Variants in BRAF observed in about 807,000 individuals in gnomAD.
The protein encoded by BRAF is serine/threonine-protein kinase B-raf.
Under a neutral mutation model 104.6 loss-of-function variants are expected in BRAF, and 16 were observed. The observed-to-expected ratio is 0.15, with a 90% CI of 0.10 to 0.23. The LOEUF is 0.23. BRAF is among the 10% of genes least tolerant of loss of function. The pLI, the probability that BRAF is intolerant of heterozygous loss-of-function variation, is 1.00. For missense variants in BRAF, 541 were observed against 937.3 expected, an observed-to-expected ratio of 0.58 and a Z score of 5.52; for synonymous variants, 310 against 341.6, an observed-to-expected ratio of 0.91 and a Z score of 1.02.
chr7:140,757,552 T>C (rs1798309230), intron 14 of BRAF, among the ~76,000 whole-genome samples: 1 of 152,192 alleles, frequency 6.6e-6, no homozygotes, highest in African/African-American at 2.4e-5. Flanking sequence ...CCTTCCAAAG[T>C]GCTGGGATTA....
In BRAF at chr7:140,924,483, C is replaced by G; in HGVS notation, c.138+83G>C. ...AAGGTGGCTGAGGGCATCAAGCCCC[C>G]ACCGCCGCCTCTTTCCAAAATAAAC... On this transcript the variant is annotated intron_variant, in intron 1 of 19. Transcript: ENST00000644969. This position sits in a 1 kb window ranked among gnomAD's most constrained non-coding sequence, Gnocchi z 4.2. 6.6e-7 allele frequency: 1 copy of G among 1,524,150 alleles called. No individual in the cohort carries two copies. Among genetic ancestry groups the G allele is most frequent in the South Asian group, 1.2e-5 (1 of 83,340 alleles). 94.4% of individuals were successfully genotyped at this position (1,524,150 alleles called of 1,614,324 possible).
At position 140,719,366 on chromosome 7, in the gene BRAF, A is replaced by C. The variant is rs761919219; in HGVS notation, c.*7128T>G. The C allele has an allele frequency of 7.4e-5, 74 of 999,566 alleles. No individual in the cohort carries two copies. The highest frequency in any genetic ancestry group is 8.5e-5 in the Non-Finnish European group (71 of 831,194). The allele number at this position is 999,566 out of a possible 1,614,324, so 61.9% of individuals were successfully genotyped here. Reference sequence around the variant, plus strand: ...TGCAGTCAATCTTTATTATAGCAGTATTCGCATATTCACATCAAGTACATA... The same window carrying C: ...TGCAGTCAATCTTTATTATAGCAGTCTTCGCATATTCACATCAAGTACATA... On this transcript the variant is annotated 3_prime_UTR_variant, in exon 20 of 20. Coordinates refer to ENST00000644969, the MANE Select transcript of BRAF (RefSeq NM_001374258.1).
Position 140,919,783 on chromosome 7 carries a change from T to C in BRAF, c.138+4783A>G, listed in dbSNP as rs146597913. ...CCTTAAAAACAGAAAAGCTCCCAAA[T>C]AGGCCCACCTATTTTGAATTCAGAA... On this transcript the variant is annotated intron_variant, in intron 1 of 19. Transcript: ENST00000644969. Among the ~76,000 whole-genome samples the C allele has an allele frequency of 3.1e-3, 468 of 152,210 alleles. 2 individuals are homozygous for C. Among genetic ancestry groups the C allele is most frequent in the African/African-American group, 9.6e-3 (400 of 41,542 alleles).
intron 12 of BRAF, among the ~76,000 whole-genome samples, chr7:140,779,606 T>G (rs950700862): frequency 2.0e-5 from 3 of 152,242 alleles, no homozygotes; most frequent in Non-Finnish European, 4.4e-5. Flanking sequence ...TTTTGGATTT[T>G]GGAGCATTTC....
chr7:140,717,200 C>T (rs968189679), downstream of BRAF, among the ~76,000 whole-genome samples: 19 of 152,156 alleles, frequency 1.2e-4, no homozygotes, highest in African/African-American at 3.9e-4. Context: ...TGTTACAGAT[C>T]TTGGGTCCTG....
At chr7:140,761,334 A>G (rs773973943) in intron 14 of BRAF, among the ~76,000 whole-genome samples, 2 of 152,158 alleles carry the variant, frequency 1.3e-5, no homozygotes, top group Non-Finnish European at 2.9e-5. Context: ...AGACAAGCAA[A>G]TGCTGAGAGA....
In BRAF at chr7:140,723,037, T is replaced by A; in HGVS notation, c.*3457A>T. ...ATGTTCTAGAGCTCCTGACTTTTCA[T>A]ATTTTAAAATAAATAACTATTCATT... On this transcript the variant is annotated 3_prime_UTR_variant, in exon 20 of 20. Coordinates refer to ENST00000644969, the MANE Select transcript of BRAF (RefSeq NM_001374258.1). 1 of 1,051,664 alleles carries A rather than the reference T, an allele frequency of 9.5e-7. No individual in the cohort carries two copies. Among genetic ancestry groups the A allele is most frequent in the Non-Finnish European group, 1.1e-6 (1 of 870,720 alleles). 65.1% of individuals were successfully genotyped at this position (1,051,664 alleles called of 1,614,324 possible). A position where few individuals can be genotyped will look rare whatever the true frequency, so the allele number is the denominator to read the frequency against.
At chr7:140,779,486 T>C (rs189893832) in intron 12 of BRAF, among the ~76,000 whole-genome samples, 2 of 152,318 alleles carry the variant, frequency 1.3e-5, no homozygotes, top group East Asian at 3.9e-4. Flanking sequence ...TCAAATTTTT[T>C]CTGATTTTGG....
At chr7:140,776,120 T>C (rs1157532588) in intron 14 of BRAF, among the ~76,000 whole-genome samples, 1 of 152,056 alleles carries the variant, frequency 6.6e-6, no homozygotes, top group African/African-American at 2.4e-5. Flanking sequence ...TCCTTATCTG[T>C]AAAAAGAAAA....
intron 1 of BRAF, among the ~76,000 whole-genome samples, chr7:140,915,418 T>C (rs1817510017): frequency 6.6e-6 from 1 of 151,724 alleles, no homozygotes; most frequent in Non-Finnish European, 1.5e-5. Flanking sequence ...CCAACTTAAA[T>C]ATAATTAAAG....
At chr7:140,894,289 A>C (rs73502740) in intron 1 of BRAF, among the ~76,000 whole-genome samples, 14,866 of 152,262 alleles carry the variant, frequency 0.098, 790 homozygotes, top group South Asian at 0.19. Context: ...GAAAAAACAG[A>C]ACTACTTGAT....
intron 8 of BRAF, among the ~76,000 whole-genome samples, chr7:140,793,952 C>G (rs1224056817): frequency 1.3e-5 from 2 of 152,198 alleles, no homozygotes; most frequent in African/African-American, 4.8e-5. Context: ...ATATCCACCT[C>G]TTATAGCACA....
At chr7:140,810,431 A>T (rs1804131286) in intron 3 of BRAF, among the ~76,000 whole-genome samples, 1 of 152,098 alleles carries the variant, frequency 6.6e-6, no homozygotes, top group East Asian at 1.9e-4. Flanking sequence ...GTAGCCGGGC[A>T]GAGCGGCGGG....
At chr7:140,731,028 T>C (rs1302609476) in intron 19 of BRAF, 1 of 152,188 alleles carries the variant, frequency 6.6e-6, no homozygotes, top group Non-Finnish European at 1.5e-5. Flanking sequence ...TTTTCTTTTC[T>C]TTTTTTGAGA....
intron 16 of BRAF, 66 bp from the exon 16 acceptor site, chr7:140,749,484 T>C (rs1797615541): frequency 6.5e-7 from 1 of 1,531,286 alleles, no homozygotes; most frequent in Non-Finnish European, 9.0e-7. Context: ...AACAACCTAC[T>C]ATAATTCCTA....
At position 140,742,855 on chromosome 7, in the gene BRAF, T is replaced by G. The variant is rs567512256; in HGVS notation, c.2113-2909A>C. On this transcript the variant is annotated intron_variant, in intron 17 of 19. Coordinates refer to ENST00000644969, the MANE Select transcript of BRAF (RefSeq NM_001374258.1). ...AAGGGCTAATATCCAGAATCTACAA[T>G]GAACTCAAACAAATTTACAAGAAAA... is the stretch of plus-strand genomic sequence containing the variant. 3.7e-3 allele frequency among the ~76,000 whole-genome samples: 563 copies of G among 151,416 alleles called. 2 individuals are homozygous for G. The highest frequency in any genetic ancestry group is 0.013 in the African/African-American group (541 of 41,204).
chr7:140,747,352 A>G, intron 17 of BRAF: 2 of 1,237,072 alleles, frequency 1.6e-6, no homozygotes, highest in South Asian at 2.8e-5. Flanking sequence ...AGAATTAACT[A>G]GTAAAGGCCT....
intron 1 of BRAF, among the ~76,000 whole-genome samples, chr7:140,852,360 C>T (rs1415326594): frequency 6.7e-6 from 1 of 148,660 alleles, no homozygotes. Flanking sequence ...CATAGTGAGA[C>T]TCAGTTTCTA....
chr7:140,864,500 T>C (rs1250932708), intron 1 of BRAF, among the ~76,000 whole-genome samples: 1 of 152,086 alleles, frequency 6.6e-6, no homozygotes, highest in Non-Finnish European at 1.5e-5. Context: ...AAGACATATT[T>C]GGGTGTCACT....
Sources: allele counts gnomAD v4.1 joint callset (sites outside exome capture counted in the v4.1 genomes callset), GRCh38; gene constraint gnomAD v4.1.1; non-coding constraint Gnocchi (gnomAD v3.1); transcripts MANE v1.5; gene names NCBI Gene and HGNC (gene_info 2026-07-23, HGNC 2026-07-21).